SERPINI1: variants seen among roughly 807,000 people sequenced by gnomAD.
SERPINI1 encodes neuroserpin.
In SERPINI1, 19 loss-of-function variants were observed where a neutral mutation model predicts 41.1. That is an observed-to-expected ratio of 0.46 (90% confidence interval 0.32 to 0.68). SERPINI1 has a LOEUF of 0.68. Among genes scored for constraint, SERPINI1 ranks in the 30% least tolerant of loss-of-function variants. SERPINI1 has a pLI of 0.03. For synonymous variants in SERPINI1, 138 were observed against 156.6 expected, an observed-to-expected ratio of 0.88 and a Z score of 0.89; for missense variants, 460 against 479.2, an observed-to-expected ratio of 0.96 and a Z score of 0.37.
intron 4 of SERPINI1, among the ~76,000 whole-genome samples, chr3:167,793,761 T>A (rs1293992350): frequency 6.6e-6 from 1 of 151,188 alleles, no homozygotes; most frequent in Non-Finnish European, 1.5e-5. Context: ...TCTAAAATTA[T>A]ATACATACAG....
At position 167,782,243 on chromosome 3, in the gene SERPINI1, A is replaced by G. The variant is rs190372362; in HGVS notation, c.-18-6868A>G. ...TAGGGCCCTGGCATTTTGTAGACTAATGTTAATATTGTAATATTTTGGTAC... is the reference window on the plus strand; with the variant it reads ...TAGGGCCCTGGCATTTTGTAGACTAGTGTTAATATTGTAATATTTTGGTAC... On this transcript the variant is annotated intron_variant, in intron 1 of 8. Coordinates refer to ENST00000446050, the MANE Select transcript of SERPINI1 (RefSeq NM_001122752.2). Among the ~76,000 whole-genome samples the G allele has an allele frequency of 9.8e-5, 15 of 152,292 alleles. 1 individual carries two copies. The highest frequency in any genetic ancestry group is 9.8e-4 in the Admixed American group (15 of 15,292).
At chr3:167,760,085 A>C (rs1390696369) in intron 1 of SERPINI1, among the ~76,000 whole-genome samples, 1 of 152,154 alleles carries the variant, frequency 6.6e-6, no homozygotes, top group Non-Finnish European at 1.5e-5. Flanking sequence ...ACCTTTGAAC[A>C]CGTGTACATA....
intron 1 of SERPINI1, among the ~76,000 whole-genome samples, chr3:167,775,340 C>T (rs1726934188): frequency 6.6e-6 from 1 of 151,008 alleles, no homozygotes; most frequent in Non-Finnish European, 1.5e-5. Context: ...CAGCTCACTG[C>T]AACCTCCGCC....
At chr3:167,823,975 T>C (rs1712432659) in intron 7 of SERPINI1, among the ~76,000 whole-genome samples, 1 of 152,296 alleles carries the variant, frequency 6.6e-6, no homozygotes, top group East Asian at 1.9e-4. Flanking sequence ...TTCCCTTTAA[T>C]CACTGCCATC....
At chr3:167,772,659 T>C (rs1484828297) in intron 1 of SERPINI1, among the ~76,000 whole-genome samples, 3 of 151,670 alleles carry the variant, frequency 2.0e-5, no homozygotes, top group Non-Finnish European at 4.4e-5. Context: ...TTTATGGACA[T>C]GTCTTATCTC....
chr3:167,748,673 C>A (rs1464296509), intron 1 of SERPINI1, among the ~76,000 whole-genome samples: 1 of 151,880 alleles, frequency 6.6e-6, no homozygotes, highest in Non-Finnish European at 1.5e-5. Context: ...ATGAAATCAA[C>A]TAGTTTTGTC....
intron 1 of SERPINI1, among the ~76,000 whole-genome samples, chr3:167,760,668 A>C (rs1415333360): frequency 6.6e-6 from 1 of 151,782 alleles, no homozygotes; most frequent in Admixed American, 6.6e-5. Flanking sequence ...TAAGTGGAAC[A>C]TCTCTCTGGA....
chr3:167,789,514 AT>A, intron 2 of SERPINI1, 136 bp downstream of exon 2: 1 of 999,018 alleles, frequency 1.0e-6, no homozygotes, highest in Non-Finnish European at 1.5e-6. Flanking sequence ...GGCTAGAAGG[AT>A]TAGGAAACCC....
At chr3:167,813,331 A>G (rs978281195) in intron 6 of SERPINI1, among the ~76,000 whole-genome samples, 2 of 152,210 alleles carry the variant, frequency 1.3e-5, no homozygotes, top group African/African-American at 4.8e-5. Flanking sequence ...AAATCAAAGC[A>G]TTGTGTCCCA....
intron 5 of SERPINI1, among the ~76,000 whole-genome samples, chr3:167,797,326 T>C (rs917945622): frequency 6.6e-6 from 1 of 152,200 alleles, no homozygotes; most frequent in Non-Finnish European, 1.5e-5. Flanking sequence ...GTTTCATTGC[T>C]GCGCAGAAGC....
chr3:167,812,370 T>C (rs903913223), intron 6 of SERPINI1, among the ~76,000 whole-genome samples: 3 of 152,174 alleles, frequency 2.0e-5, no homozygotes, highest in Non-Finnish European at 4.4e-5. Flanking sequence ...CCAAACTAAA[T>C]ACTCACTCTG....
chr3:167,779,631 A>G (rs1727060006), intron 1 of SERPINI1, among the ~76,000 whole-genome samples: 1 of 152,224 alleles, frequency 6.6e-6, no homozygotes. Context: ...GAAGACATCC[A>G]GTAATCATCT....
chr3:167,794,902 C>A, intron 5 of SERPINI1, 78 bp downstream of exon 5: 1 of 1,122,152 alleles, frequency 8.9e-7, no homozygotes, highest in Non-Finnish European at 1.3e-6. Flanking sequence ...AAAAACTCTT[C>A]GAACTGCTTT....
chr3:167,747,988 A>T (rs1223601409), intron 1 of SERPINI1, among the ~76,000 whole-genome samples: 1 of 151,806 alleles, frequency 6.6e-6, no homozygotes, highest in African/African-American at 2.4e-5. Context: ...AAGCAACTTT[A>T]AGCAGATAAA....
chr3:167,788,035 A>G (rs959513654), intron 1 of SERPINI1, among the ~76,000 whole-genome samples: 1 of 152,228 alleles, frequency 6.6e-6, no homozygotes, highest in Non-Finnish European at 1.5e-5. Flanking sequence ...ATCACTTGAC[A>G]TGTTGTTTTA....
At chr3:167,774,826 C>T (rs561610377) in intron 1 of SERPINI1, among the ~76,000 whole-genome samples, 5 of 152,158 alleles carry the variant, frequency 3.3e-5, no homozygotes, top group East Asian at 1.9e-4. Flanking sequence ...GTCCCTGGTG[C>T]CCAAAAGGTT....
intron 1 of SERPINI1, among the ~76,000 whole-genome samples, chr3:167,748,949 G>GT (rs1250243910): frequency 6.6e-6 from 1 of 152,054 alleles, no homozygotes; most frequent in African/African-American, 2.4e-5. Context: ...ATGAAGAGGA[G>GT]TAAGTTTTGA....
chr3:167,748,534 G>A (rs530637316), intron 1 of SERPINI1, among the ~76,000 whole-genome samples: 1 of 152,286 alleles, frequency 6.6e-6, no homozygotes, highest in South Asian at 2.1e-4. Context: ...CTTGATTCAA[G>A]AGGGAAAAAG....
intron 1 of SERPINI1, among the ~76,000 whole-genome samples, chr3:167,738,843 T>G (rs1384175126): frequency 6.6e-6 from 1 of 151,188 alleles, no homozygotes; most frequent in East Asian, 2.0e-4. Flanking sequence ...AAACTGGTAT[T>G]CATTAGATTT....
Sources: allele counts gnomAD v4.1 joint callset (sites outside exome capture counted in the v4.1 genomes callset), GRCh38; gene constraint gnomAD v4.1.1; transcripts MANE v1.5; gene names NCBI Gene and HGNC (gene_info 2026-07-23, HGNC 2026-07-21).